ITPR1: variants seen among roughly 807,000 people sequenced by gnomAD.
ITPR1 encodes the protein inositol 1,4,5-trisphosphate-gated calcium channel ITPR1.
A neutral mutation model predicts 318.4 loss-of-function variants in ITPR1; 96 were observed. The ratio of observed to expected loss-of-function variants is 0.30; its 90% CI spans 0.26 to 0.36. The LOEUF (loss-of-function observed/expected upper bound fraction) is 0.36. Among genes scored for constraint, ITPR1 ranks in the 10% least tolerant of loss-of-function variants. The probability of loss-of-function intolerance (pLI) is 1.00; values close to 1 mark genes in which losing one functional copy is unlikely to be tolerated. For missense variants in ITPR1, 2,440 were observed against 3,460.2 expected, an observed-to-expected ratio of 0.71 and a Z score of 7.40; for synonymous variants, 1,312 against 1,289.9, an observed-to-expected ratio of 1.02 and a Z score of -0.37.
intron 55 of ITPR1, among the ~76,000 whole-genome samples, chr3:4,809,430 A>G (rs566811614): frequency 1.7e-4 from 26 of 152,316 alleles, no homozygotes; most frequent in Admixed American, 6.5e-4. Context: ...TTTTGACAGG[A>G]AAATGTTCCT....
chr3:4,499,925 C>T (rs1019902052), intron 2 of ITPR1, among the ~76,000 whole-genome samples: 1 of 152,180 alleles, frequency 6.6e-6, no homozygotes, highest in African/African-American at 2.4e-5. Flanking sequence ...TAAGTCTGCT[C>T]TGTAAACTTT....
chr3:4,824,229 G>C (rs2049922556), intron 60 of ITPR1, among the ~76,000 whole-genome samples: 1 of 152,182 alleles, frequency 6.6e-6, no homozygotes, highest in East Asian at 1.9e-4. Flanking sequence ...ACCTCGGGAA[G>C]GGCAGATTGG....
chr3:4,618,617 C>G (rs1157344181), intron 4 of ITPR1, among the ~76,000 whole-genome samples: 3 of 152,172 alleles, frequency 2.0e-5, no homozygotes, highest in Non-Finnish European at 2.9e-5. Context: ...TTGCATAGCT[C>G]TTTTGTAGCG....
Position 4,779,658 on chromosome 3 carries a change from A to T in ITPR1, c.6387+13A>T. ...GCCCAAGGAACTGGTGAGTCGGGTG[A>T]CGGATCTGATGGTAGCACCAAGGAG... On this transcript the variant is annotated intron_variant, in intron 49 of 61. Transcript: ENST00000649015. The surrounding 1 kb of genome is among the most constrained non-coding windows in gnomAD (Gnocchi z 4.0). 1 of 1,570,368 alleles carries T rather than the reference A, an allele frequency of 6.4e-7. No homozygotes were observed. The highest frequency in any genetic ancestry group is 8.8e-7 in the Non-Finnish European group (1 of 1,141,192).
chr3:4,763,759 C>CATCTCATAA (rs1443234110), intron 44 of ITPR1, among the ~76,000 whole-genome samples: 2 of 152,280 alleles, frequency 1.3e-5, no homozygotes, highest in African/African-American at 4.8e-5. Context: ...GGCCCTGTCT[C>CATCTCATAA]ATCTCATAAG....
chr3:4,718,273 AC>A (rs1183007109), intron 40 of ITPR1, among the ~76,000 whole-genome samples: 2 of 152,232 alleles, frequency 1.3e-5, no homozygotes, highest in Non-Finnish European at 2.9e-5. Flanking sequence ...AGCAAACTGG[AC>A]AAAAACTTAA....
intron 2 of ITPR1, among the ~76,000 whole-genome samples, chr3:4,507,807 T>C (rs145812910): frequency 5.2e-4 from 79 of 152,356 alleles, no homozygotes; most frequent in African/African-American, 1.7e-3. Flanking sequence ...AGAAATTAGA[T>C]TGATGCTTAT....
intron 4 of ITPR1, among the ~76,000 whole-genome samples, chr3:4,551,112 T>C (rs2085522326): frequency 6.6e-6 from 1 of 152,178 alleles, no homozygotes; most frequent in Non-Finnish European, 1.5e-5. Flanking sequence ...GAAGAGAAGA[T>C]ACCAGCTGCG....
chr3:4,752,005 C>T (rs763089159), intron 44 of ITPR1, among the ~76,000 whole-genome samples: 3 of 152,124 alleles, frequency 2.0e-5, no homozygotes, highest in Non-Finnish European at 2.9e-5. Context: ...GTCAGAGGCT[C>T]TCTCAAAGTT....
At chr3:4,727,297 CAA>C (rs2042586529) in intron 42 of ITPR1, 124 bp downstream of exon 42, 4 of 645,792 alleles carry the variant, frequency 6.2e-6, no homozygotes, top group African/African-American at 1.8e-5. Flanking sequence ...TTAATTGACT[CAA>C]GAGCAATCAC....
At chr3:4,766,233 G>A (rs1426667124) in intron 44 of ITPR1, among the ~76,000 whole-genome samples, 2 of 152,216 alleles carry the variant, frequency 1.3e-5, no homozygotes, top group African/African-American at 4.8e-5. Flanking sequence ...GTGTGCAAGG[G>A]TGGAAGGGAA....
intron 44 of ITPR1, among the ~76,000 whole-genome samples, chr3:4,743,061 C>G (rs2043823748): frequency 6.6e-6 from 1 of 152,242 alleles, no homozygotes; most frequent in Non-Finnish European, 1.5e-5. Flanking sequence ...GAGAGACATT[C>G]TGGGATGAAG....
chr3:4,638,140 C>G (rs1392162056), intron 5 of ITPR1, among the ~76,000 whole-genome samples: 1 of 152,070 alleles, frequency 6.6e-6, no homozygotes, highest in Non-Finnish European at 1.5e-5. Context: ...AAAATGAAGA[C>G]ACATTACCTG....
At chr3:4,627,729 A>G (rs1235204237) in intron 4 of ITPR1, 34 bp from the exon 5 acceptor site, 4 of 1,364,798 alleles carry the variant, frequency 2.9e-6, no homozygotes, top group East Asian at 2.3e-5. Context: ...ATACACCCTC[A>G]ATGGCAATTT....
intron 38 of ITPR1, chr3:4,711,528 C>CAT: frequency 1.9e-6 from 1 of 519,166 alleles, no homozygotes; most frequent in Non-Finnish European, 3.4e-6. Context: ...ATGTGGCTGA[C>CAT]TCCTGCCCAG....
chr3:4,680,014 G>A (rs2094265558), intron 24 of ITPR1, among the ~76,000 whole-genome samples: 1 of 152,172 alleles, frequency 6.6e-6, no homozygotes, highest in Non-Finnish European at 1.5e-5. Context: ...TGGGAAAAGT[G>A]ACCCTGTGTT....
chr3:4,644,018 C>G (rs2093398288), intron 7 of ITPR1, 118 bp from the exon 8 acceptor site: 3 of 679,784 alleles, frequency 4.4e-6, no homozygotes, highest in Non-Finnish European at 8.2e-6. Flanking sequence ...TTTATACTTG[C>G]TGGGGATAGG....
intron 4 of ITPR1, among the ~76,000 whole-genome samples, chr3:4,602,757 AC>A (rs1249407186): frequency 6.6e-6 from 1 of 152,156 alleles, no homozygotes; most frequent in African/African-American, 2.4e-5. Flanking sequence ...GAAGCCTGTC[AC>A]AAAAAGGCTA....
At chr3:4,754,010 G>A (rs1311516771) in intron 44 of ITPR1, among the ~76,000 whole-genome samples, 2 of 140,822 alleles carry the variant, frequency 1.4e-5, no homozygotes, top group Non-Finnish European at 3.0e-5. Flanking sequence ...GATAGAGATC[G>A]CTTTCACTGA....
Sources: allele counts gnomAD v4.1 joint callset (sites outside exome capture counted in the v4.1 genomes callset), GRCh38; gene constraint gnomAD v4.1.1; non-coding constraint Gnocchi (gnomAD v3.1); transcripts MANE v1.5; gene names NCBI Gene and HGNC (gene_info 2026-07-23, HGNC 2026-07-21).